The following FSTL5 variants were observed in gnomAD, a reference collection of about 807,000 sequenced individuals.
FSTL5 encodes follistatin-related protein 5.
A neutral mutation model predicts 89.1 loss-of-function variants in FSTL5; 62 were observed. That is an observed-to-expected ratio of 0.70 (90% CI 0.57 to 0.86). The LOEUF is 0.86. Among genes scored for constraint, FSTL5 ranks in the 40% least tolerant of loss-of-function variants. The pLI, the probability that FSTL5 is intolerant of heterozygous loss-of-function variation, is 0.00. For synonymous variants in FSTL5, 383 were observed against 346.2 expected, an observed-to-expected ratio of 1.11 and a Z score of -1.18; for missense variants, 1,057 against 1,001.6, an observed-to-expected ratio of 1.06 and a Z score of -0.75.
chr4:162,041,737 A>G (rs1737966958), intron 2 of FSTL5: 3 of 152,150 alleles, frequency 2.0e-5, no homozygotes, highest in South Asian at 2.1e-4. Flanking sequence ...CAAGATATCA[A>G]TGACATGCAC....
chr4:161,825,976 T>C (rs893809474), intron 4 of FSTL5, among the ~76,000 whole-genome samples: 1 of 152,134 alleles, frequency 6.6e-6, no homozygotes, highest in East Asian at 1.9e-4. Flanking sequence ...CTTTAGATTG[T>C]CTATTTGTGC....
At chr4:162,102,976 T>C (rs904827638) in intron 2 of FSTL5, among the ~76,000 whole-genome samples, 3 of 151,900 alleles carry the variant, frequency 2.0e-5, no homozygotes, top group African/African-American at 7.2e-5. Context: ...ATGGTTACTT[T>C]TAAAGCTTTA....
chr4:161,394,113 G>C (rs1730921199), intron 15 of FSTL5, among the ~76,000 whole-genome samples: 1 of 152,110 alleles, frequency 6.6e-6, no homozygotes, highest in South Asian at 2.1e-4. Flanking sequence ...GGGTTCATTT[G>C]ACAGCTGATA....
chr4:162,045,590 T>G (rs2111238871), intron 2 of FSTL5, among the ~76,000 whole-genome samples: 1 of 152,174 alleles, frequency 6.6e-6, no homozygotes, highest in Non-Finnish European at 1.5e-5. Flanking sequence ...TTCAAAATAT[T>G]ATGGGAATTA....
chr4:162,115,868 A>C (rs1223742926), intron 1 of FSTL5, among the ~76,000 whole-genome samples: 1 of 152,118 alleles, frequency 6.6e-6, no homozygotes, highest in Non-Finnish European at 1.5e-5. Flanking sequence ...AGTAGATTCA[A>C]ATTTGAGGGA....
chr4:161,513,758 G>T (rs62324306), intron 10 of FSTL5, among the ~76,000 whole-genome samples: 1 of 152,124 alleles, frequency 6.6e-6, no homozygotes, highest in Non-Finnish European at 1.5e-5. Flanking sequence ...AATACCACAT[G>T]TTCTCACTTA....
At chr4:161,461,292 A>T (rs934323007) in intron 13 of FSTL5, among the ~76,000 whole-genome samples, 1 of 127,512 alleles carries the variant, frequency 7.8e-6, no homozygotes, top group Non-Finnish European at 1.6e-5. Context: ...AAAATACAAA[A>T]AAAACAAACA....
At chr4:162,019,809 T>C (rs1028171092) in intron 3 of FSTL5, among the ~76,000 whole-genome samples, 15 of 151,152 alleles carry the variant, frequency 9.9e-5, no homozygotes, top group South Asian at 2.1e-4. Context: ...TGTTATGATA[T>C]GGTTTTCAAA....
At chr4:161,829,767 T>G (rs1400507699) in intron 4 of FSTL5, among the ~76,000 whole-genome samples, 1 of 152,096 alleles carries the variant, frequency 6.6e-6, no homozygotes, top group Non-Finnish European at 1.5e-5. Context: ...TAGTTTTGGA[T>G]TCACATTTTG....
chr4:161,783,316 GA>G (rs1394983780), intron 4 of FSTL5, among the ~76,000 whole-genome samples: 1 of 152,052 alleles, frequency 6.6e-6, no homozygotes, highest in Admixed American at 6.6e-5. Context: ...GCCTTTTACA[GA>G]ATATATGAGA....
chr4:161,616,372 G>C (rs1444835997), intron 7 of FSTL5, among the ~76,000 whole-genome samples: 2 of 152,114 alleles, frequency 1.3e-5, no homozygotes, highest in African/African-American at 2.4e-5. Context: ...GGAAACACTA[G>C]ATTGGCTTAG....
chr4:161,981,529 T>C (rs1470734519), intron 3 of FSTL5, among the ~76,000 whole-genome samples: 1 of 152,172 alleles, frequency 6.6e-6, no homozygotes, highest in Non-Finnish European at 1.5e-5. Context: ...ACTTTTGAAA[T>C]TGACATGTAT....
chr4:162,152,433 T>C (rs1345153978), intron 1 of FSTL5, among the ~76,000 whole-genome samples: 1 of 152,230 alleles, frequency 6.6e-6, no homozygotes, highest in East Asian at 1.9e-4. Flanking sequence ...ATTGAGATAT[T>C]GTGCATTTAA....
chr4:161,997,601 CTTTTTTTT>C (rs60978465), intron 3 of FSTL5, among the ~76,000 whole-genome samples: 76 of 129,296 alleles, frequency 5.9e-4, no homozygotes, highest in South Asian at 1.4e-3. Flanking sequence ...TACATGTTAT[CTTTTTTTT>C]TTTTTTTTTT....
chr4:161,974,131 A>G (rs1189352126), intron 3 of FSTL5, among the ~76,000 whole-genome samples: 3 of 152,210 alleles, frequency 2.0e-5, no homozygotes, highest in Admixed American at 1.3e-4. Context: ...ATGGAAGAAT[A>G]TTCCATGCTC....
At chr4:161,805,985 A>T (rs1287961995) in intron 4 of FSTL5, among the ~76,000 whole-genome samples, 1 of 152,060 alleles carries the variant, frequency 6.6e-6, no homozygotes, top group African/African-American at 2.4e-5. Context: ...GTTATTGTTA[A>T]TCTCTCACCA....
At chr4:161,661,734 T>C (rs563310915) in intron 6 of FSTL5, among the ~76,000 whole-genome samples, 1 of 152,182 alleles carries the variant, frequency 6.6e-6, no homozygotes, top group East Asian at 1.9e-4. Flanking sequence ...TTAAATATTA[T>C]AGCTTTTATT....
chr4:162,015,534 A>G (rs1344609644), intron 3 of FSTL5, among the ~76,000 whole-genome samples: 1 of 152,188 alleles, frequency 6.6e-6, no homozygotes, highest in Non-Finnish European at 1.5e-5. Context: ...ACTTAGCCTG[A>G]ACCCAGAAAG....
At chr4:161,960,517 C>T (rs359511) in intron 3 of FSTL5, among the ~76,000 whole-genome samples, 91,857 of 151,566 alleles carry the variant, frequency 0.61, 28,120 homozygotes, top group East Asian at 0.62. Context: ...AAATTATATG[C>T]ATAAATCTTA....
Sources: allele counts gnomAD v4.1 joint callset (sites outside exome capture counted in the v4.1 genomes callset), GRCh38; gene constraint gnomAD v4.1.1; transcripts MANE v1.5; gene names NCBI Gene and HGNC (gene_info 2026-07-23, HGNC 2026-07-21).